Variants in HIGD1C observed in about 807,000 individuals in gnomAD.
The protein encoded by HIGD1C is HIG1 domain family member 1C.
In HIGD1C, 11 loss-of-function variants were observed where a neutral mutation model predicts 13.1. That is an observed-to-expected ratio of 0.84 (90% CI 0.53 to 1.39). The LOEUF (loss-of-function observed/expected upper bound fraction) is 1.39. Among genes scored for constraint, HIGD1C ranks in the 40% most tolerant of loss-of-function variants. HIGD1C has a pLI of 0.00. For synonymous variants in HIGD1C, 36 were observed against 37.7 expected (o/e 0.95, Z 0.17); for missense variants, 110 against 112.0 (o/e 0.98, Z 0.08).
chr12:50,935,742 G>A, the HIGD1C span, among the ~76,000 whole-genome samples: 2 of 152,074 alleles, frequency 1.3e-5, no homozygotes, highest in East Asian at 1.9e-4. Flanking sequence ...TCCCTCCTCA[G>A]CCTTCCAAAG....
intron 1 of HIGD1C, among the ~76,000 whole-genome samples, chr12:50,955,450 A>G (rs1939057387): frequency 6.6e-6 from 1 of 152,184 alleles, no homozygotes; most frequent in Admixed American, 6.5e-5. Flanking sequence ...TTTCTTCTCC[A>G]TGGATGTATA....
chr12:50,966,813 A>AACG, intron 2 of HIGD1C, among the ~76,000 whole-genome samples: 1 of 133,412 alleles, frequency 7.5e-6, no homozygotes, highest in South Asian at 2.6e-4. Flanking sequence ...ATGGTTTAAC[A>AACG]TAAGTGACTT....
intron 2 of HIGD1C, among the ~76,000 whole-genome samples, chr12:50,966,959 A>G (rs988180173): frequency 2.0e-5 from 3 of 152,022 alleles, no homozygotes; most frequent in African/African-American, 7.2e-5. Flanking sequence ...TCTGCTAAAA[A>G]TCCAAAAATT....
At chr12:50,939,449 G>A in the HIGD1C span, among the ~76,000 whole-genome samples, 1 of 152,146 alleles carries the variant, frequency 6.6e-6, no homozygotes, top group African/African-American at 2.4e-5. Context: ...CACCTGGCCT[G>A]AAGTAACAGT....
chr12:50,963,859 T>C (rs1193653366), intron 2 of HIGD1C, among the ~76,000 whole-genome samples: 9 of 152,230 alleles, frequency 5.9e-5, no homozygotes, highest in Non-Finnish European at 1.3e-4. Flanking sequence ...AGCCTACCAC[T>C]GTCCAGCCCT....
At chr12:50,952,090 G>T (rs1938919615), upstream of HIGD1C, among the ~76,000 whole-genome samples, 2 of 140,472 alleles carry the variant, frequency 1.4e-5, no homozygotes, top group Non-Finnish European at 1.5e-5. Context: ...TGCTATTAAG[G>T]ACATAATTGG....
chr12:50,946,020 C>T, the HIGD1C span, among the ~76,000 whole-genome samples: 5 of 152,176 alleles, frequency 3.3e-5, no homozygotes, highest in South Asian at 1.0e-3. Context: ...GGAAAACTGG[C>T]TAGCCATAGG....
intron 1 of HIGD1C, among the ~76,000 whole-genome samples, chr12:50,957,937 G>GGTGTGTGTGTGTGT (rs71089717): frequency 0.011 from 1,521 of 132,466 alleles, 30 homozygotes; most frequent in African/African-American, 0.019. Flanking sequence ...ATGAATTGGA[G>GGTGTGTGTGTGTGT]GTGTGTGTGT....
the HIGD1C span, among the ~76,000 whole-genome samples, chr12:50,944,551 G>T: frequency 6.6e-6 from 1 of 152,102 alleles, no homozygotes; most frequent in South Asian, 2.1e-4. Context: ...TTCCCCTCAA[G>T]TTACTGCTTT....
chr12:50,967,691 C>G (rs535871885), intron 2 of HIGD1C, among the ~76,000 whole-genome samples: 72 of 152,166 alleles, frequency 4.7e-4, no homozygotes, highest in Non-Finnish European at 7.8e-4. Flanking sequence ...GATCAGAGAA[C>G]CAATTCCGGA....
At chr12:50,941,411 G>A in the HIGD1C span, among the ~76,000 whole-genome samples, 9 of 152,162 alleles carry the variant, frequency 5.9e-5, no homozygotes, top group Non-Finnish European at 1.0e-4. Flanking sequence ...CTGGGCTCCT[G>A]AGTAAAATTC....
At chr12:50,946,754 T>C in the HIGD1C span, among the ~76,000 whole-genome samples, 3 of 152,244 alleles carry the variant, frequency 2.0e-5, no homozygotes, top group Non-Finnish European at 4.4e-5. Context: ...GGATTATAAA[T>C]CATGCTGCTA....
chr12:50,959,673 A>G (rs1427841066), intron 1 of HIGD1C, among the ~76,000 whole-genome samples: 1 of 152,060 alleles, frequency 6.6e-6, no homozygotes, highest in African/African-American at 2.4e-5. Context: ...TTTAAAACAA[A>G]GTCTTGCTCT....
At chr12:50,940,761 T>C in the HIGD1C span, among the ~76,000 whole-genome samples, 3 of 151,430 alleles carry the variant, frequency 2.0e-5, no homozygotes, top group Non-Finnish European at 4.4e-5. Context: ...AATAAACAGA[T>C]GTACATCTAT....
At chr12:50,953,274 A>C (rs1270389174), upstream of HIGD1C, among the ~76,000 whole-genome samples, 1 of 152,202 alleles carries the variant, frequency 6.6e-6, no homozygotes, top group Non-Finnish European at 1.5e-5. Context: ...TGTGCTTCTT[A>C]CGCTTAAGTT....
chr12:50,947,140 C>T, the HIGD1C span, among the ~76,000 whole-genome samples: 1 of 152,154 alleles, frequency 6.6e-6, no homozygotes, highest in Non-Finnish European at 1.5e-5. Context: ...TTCACTGGAT[C>T]TGTGACACGT....
At chr12:50,964,569 AGATTAT>A (rs1218656591) in intron 2 of HIGD1C, among the ~76,000 whole-genome samples, 4 of 152,248 alleles carry the variant, frequency 2.6e-5, no homozygotes, top group African/African-American at 9.6e-5. Flanking sequence ...CCTGCAGACT[AGATTAT>A]GACATACGGC....
chr12:50,942,512 C>T, the HIGD1C span, among the ~76,000 whole-genome samples: 1 of 152,196 alleles, frequency 6.6e-6, no homozygotes. Flanking sequence ...TCACTTCCTC[C>T]TTGAAATCCT....
At position 50,961,112 on chromosome 12, in the gene HIGD1C, T is replaced by A. The variant is rs778412337; in HGVS notation, c.229+10T>A. The A allele has an allele frequency of 6.2e-7, 1 of 1,613,366 alleles. No individual in the cohort carries two copies. The highest frequency in any genetic ancestry group is 1.1e-5 in the South Asian group (1 of 90,956). ...GGAGCTGTGACTCTAGGTAACCCGC[T>A]TAATTTGTATCTTATGTTCAGCTGT... On this transcript the variant is annotated intron_variant, in intron 2 of 2. Coordinates refer to ENST00000398455, the Ensembl canonical transcript of HIGD1C.
Sources: allele counts gnomAD v4.1 joint callset (sites outside exome capture counted in the v4.1 genomes callset), GRCh38; gene constraint gnomAD v4.1.1; transcripts MANE v1.5; gene names NCBI Gene and HGNC (gene_info 2026-07-23, HGNC 2026-07-21).